The following TUSC3 variants were observed in gnomAD, a reference collection of about 807,000 sequenced individuals.
TUSC3 encodes the protein dolichyl-diphosphooligosaccharide--protein glycosyltransferase subunit TUSC3.
In TUSC3, 45 loss-of-function variants were observed where a neutral mutation model predicts 44.8. The ratio of observed to expected loss-of-function variants is 1.00; its 90% CI spans 0.79 to 1.29. TUSC3 has a LOEUF of 1.29. Ranked by LOEUF, TUSC3 falls within the 50% of genes most tolerant of loss-of-function variation. TUSC3 has a pLI of 0.00. For missense variants in TUSC3, 519 were observed against 437.9 expected (o/e 1.19, Z -1.65); for synonymous variants, 212 against 152.9 (o/e 1.39, Z -2.85).
chr8:15,511,577 G>T (rs373508934), intron 2 of TUSC3, among the ~76,000 whole-genome samples: 1 of 152,104 alleles, frequency 6.6e-6, no homozygotes, highest in South Asian at 2.1e-4. Context: ...GATAAAAGGT[G>T]TATAAGAAAG....
At chr8:15,577,052 C>G (rs1248440064) in intron 1 of TUSC3, among the ~76,000 whole-genome samples, 17 of 143,640 alleles carry the variant, frequency 1.2e-4, no homozygotes, top group African/African-American at 4.1e-4. Flanking sequence ...TTGCATTTCT[C>G]TGATGGCCAG....
At chr8:15,535,365 A>C (rs1254368922), upstream of TUSC3, among the ~76,000 whole-genome samples, 1 of 152,186 alleles carries the variant, frequency 6.6e-6, no homozygotes, top group Non-Finnish European at 1.5e-5. Context: ...CTTTGGAGTA[A>C]GGAGAATGAC....
At chr8:15,463,022 T>C (rs1435938793) in intron 1 of TUSC3, among the ~76,000 whole-genome samples, 1 of 152,064 alleles carries the variant, frequency 6.6e-6, no homozygotes, top group Non-Finnish European at 1.5e-5. Flanking sequence ...ATTTTCTGTT[T>C]CTCCTCCTCC....
chr8:15,599,978 G>T (rs1804216422), intron 1 of TUSC3, among the ~76,000 whole-genome samples: 1 of 151,494 alleles, frequency 6.6e-6, no homozygotes. Flanking sequence ...TGAATTTTCT[G>T]CAAGACAGTC....
At chr8:15,803,817 G>A in the TUSC3 span, among the ~76,000 whole-genome samples, 1 of 152,140 alleles carries the variant, frequency 6.6e-6, no homozygotes, top group South Asian at 2.1e-4. Flanking sequence ...TTCTGTCCCT[G>A]TGTTAATTTT....
intron 6 of TUSC3, among the ~76,000 whole-genome samples, chr8:15,695,136 A>C (rs1426043605): frequency 6.6e-6 from 1 of 152,202 alleles, no homozygotes; most frequent in Admixed American, 6.5e-5. Flanking sequence ...GATCGGGTAC[A>C]GGAAGGCATG....
the TUSC3 span, among the ~76,000 whole-genome samples, chr8:15,792,807 C>G: frequency 6.6e-6 from 1 of 151,826 alleles, no homozygotes; most frequent in Non-Finnish European, 1.5e-5. Context: ...TTAGTAGAAA[C>G]AGGGTTTTGC....
the TUSC3 span, among the ~76,000 whole-genome samples, chr8:15,785,559 G>A: frequency 2.6e-5 from 4 of 151,792 alleles, no homozygotes; most frequent in Non-Finnish European, 5.9e-5. Context: ...GGGGGAGTTG[G>A]GGGACGTTAT....
At chr8:15,714,272 C>G (rs932669704) in intron 6 of TUSC3, among the ~76,000 whole-genome samples, 2 of 152,114 alleles carry the variant, frequency 1.3e-5, no homozygotes, top group Non-Finnish European at 2.9e-5. Flanking sequence ...TAAAGTAAAT[C>G]TGTGTAAATA....
At chr8:15,478,454 T>C in intron 1 of TUSC3, among the ~76,000 whole-genome samples, 1 of 152,130 alleles carries the variant, frequency 6.6e-6, no homozygotes, top group East Asian at 1.9e-4. Flanking sequence ...GAGGCCCCAA[T>C]GTGTGTTGTT....
At chr8:15,798,364 A>T in the TUSC3 span, among the ~76,000 whole-genome samples, 1 of 152,180 alleles carries the variant, frequency 6.6e-6, no homozygotes, top group Non-Finnish European at 1.5e-5. Flanking sequence ...AAGCCATAAA[A>T]GTTTGAATCC....
the TUSC3 span, among the ~76,000 whole-genome samples, chr8:15,842,189 C>T: frequency 6.6e-6 from 1 of 152,114 alleles, no homozygotes; most frequent in African/African-American, 2.4e-5. Flanking sequence ...TAGAATCACT[C>T]CTTGTAAGAA....
At chr8:15,795,199 G>GT in the TUSC3 span, among the ~76,000 whole-genome samples, 1 of 152,144 alleles carries the variant, frequency 6.6e-6, no homozygotes, top group Non-Finnish European at 1.5e-5. Context: ...ATCAGTTTCT[G>GT]TATCGACCTT....
At chr8:15,712,036 T>G (rs1809873834) in intron 6 of TUSC3, among the ~76,000 whole-genome samples, 1 of 151,952 alleles carries the variant, frequency 6.6e-6, no homozygotes, top group Non-Finnish European at 1.5e-5. Context: ...CATACTAAAT[T>G]GCTGTGCACA....
intron 2 of TUSC3, among the ~76,000 whole-genome samples, chr8:15,513,241 G>A (rs1365409896): frequency 6.6e-6 from 1 of 151,822 alleles, no homozygotes; most frequent in Non-Finnish European, 1.5e-5. Flanking sequence ...TATAATTGCT[G>A]TAATTCATAA....
intron 5 of TUSC3, 72 bp from the exon 6 acceptor site, chr8:15,673,675 A>G (rs1808056208): frequency 8.0e-7 from 1 of 1,247,004 alleles, no homozygotes; most frequent in South Asian, 1.2e-5. Context: ...CATGATGACC[A>G]TTGTCTTTTA....
chr8:15,739,117 C>T (rs757063939), intron 7 of TUSC3, among the ~76,000 whole-genome samples: 2 of 151,962 alleles, frequency 1.3e-5, no homozygotes, highest in Non-Finnish European at 2.9e-5. Context: ...AGGCGTGAGC[C>T]ACTGCGCCTG....
chr8:15,822,479 G>C, the TUSC3 span, among the ~76,000 whole-genome samples: 22 of 152,236 alleles, frequency 1.4e-4, no homozygotes, highest in African/African-American at 5.3e-4. Context: ...CAGAGTTTCT[G>C]ATTAATTAGG....
chr8:15,655,951 C>T (rs548191654), intron 3 of TUSC3, among the ~76,000 whole-genome samples: 4 of 152,086 alleles, frequency 2.6e-5, no homozygotes, highest in Admixed American at 2.6e-4. Flanking sequence ...AGGAAAGAAA[C>T]GATGAAAAGA....
Sources: allele counts gnomAD v4.1 joint callset (sites outside exome capture counted in the v4.1 genomes callset), GRCh38; gene constraint gnomAD v4.1.1; transcripts MANE v1.5; gene names NCBI Gene and HGNC (gene_info 2026-07-23, HGNC 2026-07-21).